LRRC37A3: variants seen among roughly 807,000 people sequenced by gnomAD.
The protein encoded by LRRC37A3 is leucine-rich repeat-containing protein 37A3.
In LRRC37A3, 25 loss-of-function variants were observed where a neutral mutation model predicts 106.2. That is an observed-to-expected ratio of 0.24 (90% CI 0.17 to 0.33). The LOEUF (loss-of-function observed/expected upper bound fraction) is 0.33. LRRC37A3 is among the 10% of genes least tolerant of loss of function. LRRC37A3 has a pLI of 1.00. For synonymous variants in LRRC37A3, 305 were observed against 635.8 expected, an observed-to-expected ratio of 0.48 and a Z score of 7.83; for missense variants, 712 against 1,644.9, an observed-to-expected ratio of 0.43 and a Z score of 9.81.
intron 12 of LRRC37A3, 113 bp from the exon 13 acceptor site, chr17:64,858,996 C>A: frequency 1.3e-6 from 1 of 764,612 alleles, no homozygotes; most frequent in South Asian, 1.6e-5. Context: ...CTCTGTCACC[C>A]AGGCTGGGGT....
At chr17:64,864,571 C>T (rs1362387776) in intron 10 of LRRC37A3, among the ~76,000 whole-genome samples, 2 of 151,810 alleles carry the variant, frequency 1.3e-5, no homozygotes, top group Non-Finnish European at 2.9e-5. Flanking sequence ...AAAACAATCC[C>T]TGTAACTGAA....
intron 13 of LRRC37A3, among the ~76,000 whole-genome samples, chr17:64,856,311 G>A (rs1377544331): frequency 6.6e-6 from 1 of 151,722 alleles, no homozygotes; most frequent in Non-Finnish European, 1.5e-5. Flanking sequence ...CAACCTCCTG[G>A]GCTCCAGTGA....
At chr17:64,891,089 AAAT>A (rs1973942195) in intron 5 of LRRC37A3, among the ~76,000 whole-genome samples, 1 of 122,030 alleles carries the variant, frequency 8.2e-6, no homozygotes, top group South Asian at 2.7e-4. Context: ...ATATACATTG[AAAT>A]AATGATGTGA....
At chr17:64,861,275 A>G (rs1056287023) in intron 11 of LRRC37A3, among the ~76,000 whole-genome samples, 1 of 152,192 alleles carries the variant, frequency 6.6e-6, no homozygotes, top group Admixed American at 6.5e-5. Flanking sequence ...TCAAAGCCCA[A>G]GGTGGAAGAC....
intron 13 of LRRC37A3, among the ~76,000 whole-genome samples, chr17:64,856,819 A>T (rs1195691303): frequency 6.6e-6 from 1 of 151,014 alleles, no homozygotes. Context: ...ACATAGCAAG[A>T]CCTTGTCTCT....
intron 2 of LRRC37A3, among the ~76,000 whole-genome samples, chr17:64,903,030 C>T (rs1974356306): frequency 6.7e-6 from 1 of 149,720 alleles, no homozygotes; most frequent in Non-Finnish European, 1.5e-5. Context: ...ACCCCACCCT[C>T]CTATGCATCA....
intron 8 of LRRC37A3, chr17:64,881,023 G>A: frequency 1.5e-6 from 1 of 664,608 alleles, no homozygotes; most frequent in Non-Finnish European, 2.7e-6. Context: ...GAAGAAGGTA[G>A]TCAAAGAAAT....
intron 8 of LRRC37A3, chr17:64,881,285 C>T (rs1973694772): frequency 1.4e-6 from 1 of 690,552 alleles, no homozygotes; most frequent in South Asian, 1.5e-5. Context: ...CTCTGTTGCC[C>T]AGGCTGGAGT....
intron 14 of LRRC37A3, among the ~76,000 whole-genome samples, chr17:64,855,080 C>T (rs1312786551): frequency 6.6e-6 from 1 of 152,110 alleles, no homozygotes. Context: ...CAAGTGATCC[C>T]AAAGTGCTGT....
At chr17:64,872,624 G>C (rs569684423) in intron 8 of LRRC37A3, among the ~76,000 whole-genome samples, 1 of 152,138 alleles carries the variant, frequency 6.6e-6, no homozygotes, top group Non-Finnish European at 1.5e-5. Context: ...AACTGTATTC[G>C]GCAATGAATA....
At position 64,854,431 on chromosome 17, in the gene LRRC37A3, G is replaced by A; in HGVS notation, c.*168C>T. 1 of 971,484 alleles carries A rather than the reference G, an allele frequency of 1.0e-6. No individual in the cohort carries two copies. Among genetic ancestry groups the A allele is most frequent in the Non-Finnish European group, 1.6e-6 (1 of 641,610 alleles). 60.2% of individuals were successfully genotyped at this position (971,484 alleles called of 1,614,324 possible). ...CCCCTGAGCATATGTTTTCAGGTCT[G>A]GGTGACTAATTAGACTGGGAAACAA... On this transcript the variant is annotated 3_prime_UTR_variant, in exon 15 of 15. Coordinates refer to ENST00000584306, the MANE Select transcript of LRRC37A3 (RefSeq NM_199340.5).
intron 8 of LRRC37A3, among the ~76,000 whole-genome samples, chr17:64,874,507 C>T (rs368107841): frequency 6.3e-4 from 95 of 151,212 alleles, no homozygotes; most frequent in Non-Finnish European, 9.1e-4. Flanking sequence ...CCAGCCGCCC[C>T]GTCCGGGAGG....
intron 2 of LRRC37A3, among the ~76,000 whole-genome samples, chr17:64,915,685 G>C (rs1184736343): frequency 6.6e-6 from 1 of 152,234 alleles, no homozygotes; most frequent in Non-Finnish European, 1.5e-5. Flanking sequence ...TATGCTCTGG[G>C]AAAGAGACAC....
chr17:64,861,100 G>A, intron 11 of LRRC37A3, 127 bp from the exon 12 acceptor site: 2 of 1,472,192 alleles, frequency 1.4e-6, no homozygotes, highest in South Asian at 1.1e-5. Context: ...TCAGAGAGGA[G>A]AAACACACAC....
intron 2 of LRRC37A3, among the ~76,000 whole-genome samples, chr17:64,913,014 T>C (rs557239226): frequency 8.7e-6 from 1 of 115,158 alleles, no homozygotes; most frequent in Admixed American, 9.3e-5. Context: ...TAATTTTATA[T>C]TAATATTAAG....
intron 8 of LRRC37A3, among the ~76,000 whole-genome samples, chr17:64,874,414 T>G (rs1379763168): frequency 7.9e-6 from 1 of 125,946 alleles, no homozygotes; most frequent in Non-Finnish European, 1.7e-5. Context: ...CGCCCGGCAG[T>G]CGCCCCGTCT....
intron 8 of LRRC37A3, among the ~76,000 whole-genome samples, chr17:64,876,017 C>A (rs546646970): frequency 1.3e-5 from 2 of 152,064 alleles, no homozygotes; most frequent in Admixed American, 1.3e-4. Flanking sequence ...ACGACAGATG[C>A]GCACCACCAC....
At chr17:64,867,587 T>G (rs1973158919) in intron 10 of LRRC37A3, among the ~76,000 whole-genome samples, 1 of 151,100 alleles carries the variant, frequency 6.6e-6, no homozygotes, top group East Asian at 1.9e-4. Context: ...GTAAATGGTA[T>G]GTACATAATT....
chr17:64,919,035 C>T (rs555542442), intron 1 of LRRC37A3, among the ~76,000 whole-genome samples, 165 bp from the exon 2 acceptor site: 262 of 152,022 alleles, frequency 1.7e-3, no homozygotes, highest in African/African-American at 6.0e-3. Flanking sequence ...GCGGCGGCGG[C>T]TTTCTCCGGC....
Sources: allele counts gnomAD v4.1 joint callset (sites outside exome capture counted in the v4.1 genomes callset), GRCh38; gene constraint gnomAD v4.1.1; transcripts MANE v1.5; gene names NCBI Gene and HGNC (gene_info 2026-07-23, HGNC 2026-07-21).